Variants in MAK observed in about 807,000 individuals in gnomAD.
MAK encodes serine/threonine-protein kinase MAK.
In MAK, 65 loss-of-function variants were observed where a neutral mutation model predicts 82.6. That is an observed-to-expected ratio of 0.79 (90% CI 0.64 to 0.97). The LOEUF (loss-of-function observed/expected upper bound fraction) is 0.97. MAK is among the 50% of genes least tolerant of loss of function. The pLI, the probability that MAK is intolerant of heterozygous loss-of-function variation, is 0.00. For synonymous variants in MAK, 250 were observed against 274.2 expected, an observed-to-expected ratio of 0.91 and a Z score of 0.87; for missense variants, 703 against 780.2, an observed-to-expected ratio of 0.90 and a Z score of 1.18.
chr6:10,804,039 T>A (rs115447463), intron 6 of MAK, 148 bp from the exon 7 acceptor site: 7,997 of 704,668 alleles, frequency 0.011, 79 homozygotes, highest in Non-Finnish European at 0.017. Context: ...ATTTGTACAA[T>A]GTTCTGGGGA....
rs778996230 is a variant in MAK at position 10,818,943 on chromosome 6, A to G, written c.102-3T>C. ...AAGAATAGAACTTTCTCTTCATCCT[A>G]AAATAAATTAGGGAAAGTTTAGTGT... On this transcript the variant is annotated splice_polypyrimidine_tract_variant and splice_region_variant and intron_variant, in intron 2 of 14. Transcript: ENST00000354489. 5.8e-6 allele frequency: 9 copies of G among 1,543,264 alleles called. No homozygotes were observed. In the South Asian group the frequency reaches 1.0e-4, roughly 17 times the overall value.
At chr6:10,767,947 G>A (rs1045416532) in intron 14 of MAK, among the ~76,000 whole-genome samples, 1 of 152,128 alleles carries the variant, frequency 6.6e-6, no homozygotes, top group Admixed American at 6.6e-5. Context: ...GGCATGACTG[G>A]AAGACACATC....
At chr6:10,797,939 TA>T in intron 8 of MAK, 1 of 1,230,750 alleles carries the variant, frequency 8.1e-7, no homozygotes, top group Non-Finnish European at 1.0e-6. Flanking sequence ...AATACACAAA[TA>T]TACATAATTT....
At chr6:10,764,674 T>C in intron 14 of MAK, 68 bp from the exon 15 acceptor site, 1 of 1,346,480 alleles carries the variant, frequency 7.4e-7, no homozygotes, top group Non-Finnish European at 1.1e-6. Context: ...ATAAAGAAAT[T>C]CATCCTCTCA....
chr6:10,816,229 C>T (rs943563541), intron 4 of MAK, among the ~76,000 whole-genome samples: 2 of 151,590 alleles, frequency 1.3e-5, no homozygotes, highest in African/African-American at 4.9e-5. Flanking sequence ...TGCCACCACA[C>T]CTGGCTAATT....
intron 1 of MAK, among the ~76,000 whole-genome samples, chr6:10,831,758 A>C (rs1778824884): frequency 1.3e-5 from 2 of 152,070 alleles, no homozygotes; most frequent in African/African-American, 4.8e-5. Context: ...AAGAAAAAAA[A>C]ATTTTTTAAT....
chr6:10,834,858 T>A (rs1158529847), intron 1 of MAK, among the ~76,000 whole-genome samples: 3 of 152,136 alleles, frequency 2.0e-5, no homozygotes, highest in African/African-American at 7.2e-5. Flanking sequence ...CCTGGCTGAA[T>A]GACAGATCAA....
chr6:10,827,596 G>T (rs183552031), intron 2 of MAK: 6 of 152,202 alleles, frequency 3.9e-5, no homozygotes, highest in African/African-American at 9.6e-5. Flanking sequence ...ATAGGTTTTC[G>T]TACTAATTCA....
chr6:10,775,219 A>T, intron 12 of MAK, 109 bp downstream of exon 12: 2 of 1,336,252 alleles, frequency 1.5e-6, no homozygotes, highest in East Asian at 2.5e-5. Context: ...ACCTTTGTGT[A>T]TCTCCCAAGT....
rs1416321790 is a variant in MAK at position 10,780,160 on chromosome 6, C to T, written c.1465+4264G>A. 12 of 696,104 alleles carry T rather than the reference C, an allele frequency of 1.7e-5. No individual in the cohort carries two copies. The Admixed American group carries it at 7.5e-4, about 44-fold the overall frequency. The allele number at this position is 696,104 out of a possible 1,614,324, so 43.1% of individuals were successfully genotyped here. On this transcript the variant is annotated intron_variant, in intron 11 of 14. Transcript: ENST00000354489. ...CGACCGCCAATAGGTGACAGTAAGG[C>T]TCAAGTTTACATTCCAAACAATTCT...
At position 10,762,940 on chromosome 6, in the gene MAK, G is replaced by A. The variant is rs544069332; in HGVS notation, c.*1512C>T. ...CATTATTATTTTATAATATGCCTTT[G>A]TATAATGCCCACAAGATGACACTTA... is the stretch of plus-strand genomic sequence containing the variant. On this transcript the variant is annotated 3_prime_UTR_variant, in exon 15 of 15. Coordinates refer to ENST00000354489, the MANE Select transcript of MAK (RefSeq NM_001242957.3). 6.6e-6 allele frequency: 1 copy of A among 152,506 alleles called. No individual in the cohort carries two copies. Among genetic ancestry groups the A allele is most frequent in the South Asian group, 2.1e-4 (1 of 4,822 alleles). The allele number at this position is 152,506 out of a possible 1,614,324, so 9.4% of individuals were successfully genotyped here.
chr6:10,826,153 G>A (rs1778352343), intron 2 of MAK, among the ~76,000 whole-genome samples: 1 of 151,988 alleles, frequency 6.6e-6, no homozygotes, highest in Admixed American at 6.6e-5. Context: ...ACTTCTTTCA[G>A]TTACTCAGCC....
intron 5 of MAK, among the ~76,000 whole-genome samples, chr6:10,811,201 G>T (rs1243448948): frequency 1.3e-5 from 2 of 152,210 alleles, no homozygotes; most frequent in Admixed American, 1.3e-4. Flanking sequence ...TTTTCACCAC[G>T]TTGGCCAGGC....
chr6:10,794,321 T>C (rs1241739141), intron 9 of MAK, among the ~76,000 whole-genome samples: 3 of 152,190 alleles, frequency 2.0e-5, no homozygotes, highest in Non-Finnish European at 4.4e-5. Context: ...GAATCTACCA[T>C]GTGGCAGGCA....
intron 5 of MAK, 87 bp from the exon 6 acceptor site, chr6:10,809,029 A>G (rs1269366629): frequency 5.1e-6 from 6 of 1,172,772 alleles, no homozygotes; most frequent in Non-Finnish European, 6.3e-6. Flanking sequence ...ATATAAATGA[A>G]CCCCCTCTTT....
chr6:10,785,206 C>A (rs761833530), intron 10 of MAK, among the ~76,000 whole-genome samples: 1 of 152,160 alleles, frequency 6.6e-6, no homozygotes, highest in African/African-American at 2.4e-5. Flanking sequence ...TTTCTGTGTA[C>A]GGACTGAGGA....
intron 14 of MAK, among the ~76,000 whole-genome samples, chr6:10,768,790 G>A (rs1020222767): frequency 1.3e-5 from 2 of 152,152 alleles, no homozygotes; most frequent in Non-Finnish European, 2.9e-5. Context: ...AAATAAAGAA[G>A]TCCAGGCTTT....
chr6:10,768,901 CAG>C (rs1772724510), intron 14 of MAK, among the ~76,000 whole-genome samples: 1 of 152,154 alleles, frequency 6.6e-6, no homozygotes, highest in Non-Finnish European at 1.5e-5. Flanking sequence ...AGCACACTTT[CAG>C]AGTCAACTTT....
chr6:10,822,310 T>G (rs1778022901), intron 2 of MAK, among the ~76,000 whole-genome samples: 1 of 150,660 alleles, frequency 6.6e-6, no homozygotes, highest in Admixed American at 6.6e-5. Flanking sequence ...AAAAATGAGC[T>G]GGGCATGGTG....
Sources: allele counts gnomAD v4.1 joint callset (sites outside exome capture counted in the v4.1 genomes callset), GRCh38; gene constraint gnomAD v4.1.1; transcripts MANE v1.5; gene names NCBI Gene and HGNC (gene_info 2026-07-23, HGNC 2026-07-21).